Variants in PBX3 observed in about 807,000 individuals in gnomAD.
The protein encoded by PBX3 is PBX homeobox 3, also known as pre-B-cell leukemia transcription factor 3.
Under a neutral mutation model 48.5 loss-of-function variants are expected in PBX3, and 14 were observed. That is an observed-to-expected ratio of 0.29 (90% CI 0.19 to 0.45). The LOEUF is 0.45. Among genes scored for constraint, PBX3 ranks in the 20% least tolerant of loss-of-function variants. The pLI is 1.00. For synonymous variants in PBX3, 210 were observed against 200.3 expected (o/e 1.05, Z -0.41); for missense variants, 386 against 546.7 (o/e 0.71, Z 2.93).
Position 125,875,945 on chromosome 9 carries a change from T to C in PBX3, c.275-39741T>C, listed in dbSNP as rs553866586. Among the ~76,000 whole-genome samples, 15 of 152,302 alleles carry C rather than the reference T, an allele frequency of 9.8e-5. No homozygotes were observed. The East Asian group carries it at 2.5e-3, about 25-fold the overall frequency. ...AGAAGACCTCAACCCAGTTTCAAGA[T>C]TCAGAGAAGGCATAGCTTCTCACAC... On this transcript the variant is annotated intron_variant, in intron 2 of 8. Transcript: ENST00000373489.
At chr9:125,940,236 A>C (rs1458892086) in intron 5 of PBX3, among the ~76,000 whole-genome samples, 5 of 152,192 alleles carry the variant, frequency 3.3e-5, no homozygotes, top group Non-Finnish European at 7.4e-5. Flanking sequence ...AAGAAGGAAC[A>C]ATCAAGGAGT....
chr9:125,841,622 G>T (rs2132230875), intron 2 of PBX3, among the ~76,000 whole-genome samples: 1 of 152,318 alleles, frequency 6.6e-6, no homozygotes, highest in Middle Eastern at 3.4e-3. Context: ...AGTCTCTGGA[G>T]TATAGCTCTG....
intron 2 of PBX3, among the ~76,000 whole-genome samples, chr9:125,794,435 T>C (rs574868637): frequency 1.3e-5 from 2 of 152,302 alleles, no homozygotes; most frequent in Non-Finnish European, 2.9e-5. Context: ...TAAAAATCTT[T>C]CTTGAAGTGA....
At chr9:125,920,745 T>C (rs1339089906) in intron 3 of PBX3, among the ~76,000 whole-genome samples, 1 of 152,220 alleles carries the variant, frequency 6.6e-6, no homozygotes, top group Non-Finnish European at 1.5e-5. Context: ...AGTTCGCAGA[T>C]GTCATTTGAA....
intron 2 of PBX3, among the ~76,000 whole-genome samples, chr9:125,863,577 A>G (rs1035232004): frequency 6.6e-5 from 10 of 152,198 alleles, no homozygotes; most frequent in African/African-American, 1.9e-4. Context: ...TATAGTAGAT[A>G]CTTTCTAAGA....
At chr9:125,959,690 A>G (rs1842386313) in intron 5 of PBX3, among the ~76,000 whole-genome samples, 1 of 152,218 alleles carries the variant, frequency 6.6e-6, no homozygotes, top group Admixed American at 6.5e-5. Flanking sequence ...TCAGGGTAGA[A>G]CAGTGACCCC....
intron 2 of PBX3, among the ~76,000 whole-genome samples, chr9:125,911,866 T>G (rs60556391): frequency 0.035 from 5,382 of 152,270 alleles, 330 homozygotes; most frequent in African/African-American, 0.12. Flanking sequence ...TGACAACTTT[T>G]ATCATTATTA....
chr9:125,849,444 T>C (rs1366959053), intron 2 of PBX3, among the ~76,000 whole-genome samples: 1 of 151,828 alleles, frequency 6.6e-6, no homozygotes, highest in Non-Finnish European at 1.5e-5. Flanking sequence ...CAAAGTGACT[T>C]GAAGTGCTAT....
chr9:125,862,133 A>G (rs574420730), intron 2 of PBX3, among the ~76,000 whole-genome samples: 60 of 152,268 alleles, frequency 3.9e-4, no homozygotes, highest in African/African-American at 1.1e-3. Flanking sequence ...GCCAGTTGGT[A>G]GTCTTGTTGT....
In PBX3 at chr9:125,754,028, A is replaced by C. The variant is rs527870602; in HGVS notation, c.274+5405A>C. Among the ~76,000 whole-genome samples the C allele has an allele frequency of 6.6e-5, 10 of 152,222 alleles. No homozygotes were observed. The South Asian group carries it at 1.9e-3, about 28-fold the overall frequency. ...TAAGAATTGAAACTGCATTTCGTGA[A>C]CCACACCCTAAGTCAGTCATCACTT... On this transcript the variant is annotated intron_variant, in intron 2 of 8. Coordinates refer to ENST00000373489, the MANE Select transcript of PBX3 (RefSeq NM_006195.6).
At chr9:125,797,765 G>A (rs1156745866) in intron 2 of PBX3, among the ~76,000 whole-genome samples, 1 of 151,980 alleles carries the variant, frequency 6.6e-6, no homozygotes, top group Admixed American at 6.6e-5. Flanking sequence ...TTGTACATTA[G>A]GTATTTAGAC....
chr9:125,804,179 T>A, intron 2 of PBX3, among the ~76,000 whole-genome samples: 1 of 152,228 alleles, frequency 6.6e-6, no homozygotes, highest in East Asian at 1.9e-4. Flanking sequence ...ATGTAGGTAA[T>A]CAGTGGTAGG....
chr9:125,829,096 A>G (rs916008942), intron 2 of PBX3, among the ~76,000 whole-genome samples: 1 of 152,244 alleles, frequency 6.6e-6, no homozygotes, highest in Non-Finnish European at 1.5e-5. Flanking sequence ...TGTTGGAGCC[A>G]TGCTACAACA....
intron 2 of PBX3, among the ~76,000 whole-genome samples, chr9:125,762,529 G>T (rs1439123206): frequency 6.6e-6 from 1 of 152,088 alleles, no homozygotes; most frequent in Admixed American, 6.6e-5. Flanking sequence ...AAGTCCCCCT[G>T]CCATTATTCG....
chr9:125,965,000 T>C (rs1220734221), intron 8 of PBX3, among the ~76,000 whole-genome samples: 1 of 152,212 alleles, frequency 6.6e-6, no homozygotes, highest in Non-Finnish European at 1.5e-5. Context: ...CAGAAAGGCC[T>C]GCCCCATCAC....
At chr9:125,796,181 C>T (rs1837773681) in intron 2 of PBX3, among the ~76,000 whole-genome samples, 1 of 152,072 alleles carries the variant, frequency 6.6e-6, no homozygotes. Context: ...AGTTCACTGC[C>T]CAGGGTTAAA....
At chr9:125,960,596 G>T in intron 5 of PBX3, 88 bp from the exon 6 acceptor site, 1 of 1,150,554 alleles carries the variant, frequency 8.7e-7, no homozygotes, top group East Asian at 2.4e-5. Flanking sequence ...GTCTCCCAAG[G>T]TATTGCCTTG....
chr9:125,769,667 A>T (rs1321306688), intron 2 of PBX3, among the ~76,000 whole-genome samples: 1 of 152,170 alleles, frequency 6.6e-6, no homozygotes, highest in Non-Finnish European at 1.5e-5. Context: ...TAGAAGGCAG[A>T]CCCTGTAGTC....
intron 2 of PBX3, among the ~76,000 whole-genome samples, chr9:125,826,042 G>A (rs932668836): frequency 5.3e-5 from 8 of 152,118 alleles, no homozygotes; most frequent in Non-Finnish European, 8.8e-5. Flanking sequence ...TTTGAGAAAG[G>A]CAATAACGTT....
Sources: gnomAD v4.1 joint callset for allele counts (sites outside exome capture counted in the v4.1 genomes callset) on GRCh38, gnomAD v4.1.1 for gene constraint, MANE v1.5 for transcripts, NCBI Gene and HGNC (gene_info 2026-07-23, HGNC 2026-07-21) for gene names.